Variants in SGCD observed in about 807,000 individuals in gnomAD.
SGCD encodes sarcoglycan delta.
A neutral mutation model predicts 36.6 loss-of-function variants in SGCD; 18 were observed. The observed-to-expected ratio is 0.49, with a 90% CI of 0.34 to 0.73. The LOEUF is 0.73. Among genes scored for constraint, SGCD ranks in the 30% least tolerant of loss-of-function variants. SGCD has a pLI of 0.01. For missense variants in SGCD, 387 were observed against 346.7 expected (o/e 1.12, Z -0.92); for synonymous variants, 133 against 130.6 (o/e 1.02, Z -0.12).
chr5:156,665,412 T>C (rs2113641586), intron 7 of SGCD, among the ~76,000 whole-genome samples: 1 of 152,394 alleles, frequency 6.6e-6, no homozygotes, highest in South Asian at 2.1e-4. Flanking sequence ...TCTGGGATTT[T>C]TTCCTTGTGT....
chr5:156,145,180 G>A (rs933894971), intron 3 of SGCD, among the ~76,000 whole-genome samples: 2 of 152,156 alleles, frequency 1.3e-5, no homozygotes, highest in African/African-American at 4.8e-5. Flanking sequence ...TACTGTTATT[G>A]TGATAGTGAG....
chr5:156,048,420 C>G (rs1033602990), intron 1 of SGCD, among the ~76,000 whole-genome samples: 1 of 152,174 alleles, frequency 6.6e-6, no homozygotes, highest in Non-Finnish European at 1.5e-5. Context: ...AATGGTTGAA[C>G]TAGTTTACAG....
chr5:156,730,436 A>G (rs1333045748), intron 7 of SGCD, among the ~76,000 whole-genome samples: 2 of 152,178 alleles, frequency 1.3e-5, no homozygotes, highest in Admixed American at 1.3e-4. Context: ...ATGTGTTCTC[A>G]TAATTTAGCT....
intron 6 of SGCD, among the ~76,000 whole-genome samples, chr5:156,624,352 C>T (rs1177910808): frequency 2.0e-5 from 3 of 152,228 alleles, no homozygotes; most frequent in Non-Finnish European, 2.9e-5. Flanking sequence ...GAGGCCAAGG[C>T]GGGTGGATCA....
intron 7 of SGCD, among the ~76,000 whole-genome samples, chr5:156,669,627 G>A (rs749466304): frequency 6.6e-5 from 10 of 152,198 alleles, no homozygotes; most frequent in Non-Finnish European, 1.3e-4. Context: ...AGGGTATTAT[G>A]CCAGTCATAA....
At chr5:156,091,508 C>A (rs1761242798) in intron 1 of SGCD, among the ~76,000 whole-genome samples, 1 of 152,190 alleles carries the variant, frequency 6.6e-6, no homozygotes, top group Non-Finnish European at 1.5e-5. Flanking sequence ...ATACCCAGTT[C>A]TGTGTTTTCC....
At chr5:155,905,327 TG>T (rs1167540951) in intron 1 of SGCD, among the ~76,000 whole-genome samples, 1 of 152,178 alleles carries the variant, frequency 6.6e-6, no homozygotes, top group Admixed American at 6.5e-5. Context: ...ATCTAGCACA[TG>T]GTATAACCTT....
chr5:155,903,518 G>A (rs1025903824), intron 1 of SGCD, among the ~76,000 whole-genome samples: 9 of 152,114 alleles, frequency 5.9e-5, no homozygotes, highest in Non-Finnish European at 8.8e-5. Flanking sequence ...CAGTAGAAAC[G>A]TAAGTTCTTC....
intron 4 of SGCD, among the ~76,000 whole-genome samples, chr5:156,565,435 T>C (rs999392046): frequency 1.3e-5 from 2 of 152,244 alleles, no homozygotes; most frequent in Non-Finnish European, 2.9e-5. Flanking sequence ...TCCATCATTA[T>C]GGTCCTACAC....
At chr5:156,038,874 T>C (rs1759564988) in intron 1 of SGCD, among the ~76,000 whole-genome samples, 1 of 152,174 alleles carries the variant, frequency 6.6e-6, no homozygotes, top group African/African-American at 2.4e-5. Context: ...TTTTTACAAA[T>C]ATGCAAAGTG....
upstream of SGCD, among the ~76,000 whole-genome samples, chr5:156,323,234 G>A (rs1767719128): frequency 6.6e-6 from 1 of 152,156 alleles, no homozygotes. Flanking sequence ...TTCTGAATGA[G>A]AGAAGGAGTT....
the SGCD span, among the ~76,000 whole-genome samples, chr5:155,863,178 G>A: frequency 6.6e-6 from 1 of 152,160 alleles, no homozygotes; most frequent in Non-Finnish European, 1.5e-5. Context: ...CACTCTCCCA[G>A]GGCATGGACG....
the SGCD span, among the ~76,000 whole-genome samples, chr5:155,732,110 T>A: frequency 6.6e-6 from 1 of 152,168 alleles, no homozygotes; most frequent in Non-Finnish European, 1.5e-5. Flanking sequence ...TGGTTGACCT[T>A]GTCAGGGGCT....
At chr5:156,191,881 G>A (rs979197662) in intron 3 of SGCD, among the ~76,000 whole-genome samples, 6 of 152,062 alleles carry the variant, frequency 3.9e-5, no homozygotes, top group Non-Finnish European at 7.4e-5. Flanking sequence ...CCCTAGTTAG[G>A]TTTCATCTGT....
intron 7 of SGCD, among the ~76,000 whole-genome samples, chr5:156,677,593 C>A (rs896859682): frequency 6.6e-6 from 1 of 151,802 alleles, no homozygotes; most frequent in Admixed American, 6.6e-5. Context: ...ATGTAAATGA[C>A]GAGTTAATGG....
At chr5:156,436,986 G>A (rs960070914) in intron 3 of SGCD, among the ~76,000 whole-genome samples, 1 of 152,004 alleles carries the variant, frequency 6.6e-6, no homozygotes, top group Non-Finnish European at 1.5e-5. Context: ...AAAAGTCCTG[G>A]CTGTCATTTC....
chr5:156,510,315 C>T (rs1197409339), intron 4 of SGCD, among the ~76,000 whole-genome samples: 2 of 152,110 alleles, frequency 1.3e-5, no homozygotes, highest in South Asian at 4.1e-4. Flanking sequence ...AATGAGGTGA[C>T]CCTGTAACGT....
chr5:156,633,242 G>A (rs185714689), intron 6 of SGCD, among the ~76,000 whole-genome samples: 9 of 152,302 alleles, frequency 5.9e-5, no homozygotes, highest in Admixed American at 5.2e-4. Context: ...CTGACGATGT[G>A]CACTGTGTTT....
chr5:156,008,548 T>A (rs1300205100), intron 1 of SGCD, among the ~76,000 whole-genome samples: 4 of 152,124 alleles, frequency 2.6e-5, no homozygotes, highest in Non-Finnish European at 5.9e-5. Flanking sequence ...GCTAATTTTT[T>A]AATTCTTTGT....
Sources: gnomAD v4.1 joint callset for allele counts (sites outside exome capture counted in the v4.1 genomes callset) on GRCh38, gnomAD v4.1.1 for gene constraint, MANE v1.5 for transcripts, NCBI Gene and HGNC (gene_info 2026-07-23, HGNC 2026-07-21) for gene names.